The following VPS35L variants were observed in gnomAD, a reference collection of about 807,000 sequenced individuals.
VPS35L encodes VPS35 endosomal protein-sorting factor-like.
VPS35L carries 83 observed loss-of-function variants against 133.0 expected under a neutral mutation model. That is an observed-to-expected ratio of 0.62 (90% confidence interval 0.52 to 0.75). VPS35L has a LOEUF of 0.75. Among genes scored for constraint, VPS35L ranks in the 30% least tolerant of loss-of-function variants. VPS35L has a pLI of 0.00. For missense variants in VPS35L, 1,083 were observed against 1,206.8 expected, an observed-to-expected ratio of 0.90 and a Z score of 1.52; for synonymous variants, 423 against 449.9, an observed-to-expected ratio of 0.94 and a Z score of 0.76.
chr16:19,643,654 A>G (rs1218844900), intron 22 of VPS35L, among the ~76,000 whole-genome samples: 1 of 152,158 alleles, frequency 6.6e-6, no homozygotes, highest in Non-Finnish European at 1.5e-5. Flanking sequence ...TTGTTCTAAG[A>G]ACAAAGTGGG....
intron 26 of VPS35L, among the ~76,000 whole-genome samples, chr16:19,667,361 T>G (rs1219323238): frequency 6.6e-6 from 1 of 152,158 alleles, no homozygotes; most frequent in Non-Finnish European, 1.5e-5. Flanking sequence ...TGGCTTTTCC[T>G]CAAGCCCCAT....
Position 19,686,568 on chromosome 16 carries a change from C to T in VPS35L, c.2527+4178C>T, listed in dbSNP as rs57909644. Among the ~76,000 whole-genome samples, 1,405 of 152,224 alleles carry T rather than the reference C, an allele frequency of 9.2e-3. 15 individuals carry two copies. The highest frequency in any genetic ancestry group is 0.031 in the African/African-American group (1,308 of 41,552). ...TCACCTGCCAGGCCCTCAAAGCATT[C>T]GGGTTTGCAACTTGGGGTGGGACAG... is the stretch of plus-strand genomic sequence containing the variant. On this transcript the variant is annotated intron_variant, in intron 28 of 30. Coordinates refer to ENST00000417362, the MANE Select transcript of VPS35L (RefSeq NM_020314.7).
intron 6 of VPS35L, 176 bp downstream of exon 6, chr16:19,579,304 C>T: frequency 1.7e-6 from 1 of 578,172 alleles, no homozygotes; most frequent in Non-Finnish European, 3.0e-6. Flanking sequence ...TGGCCGAGCT[C>T]ACGGAAGCCT....
At chr16:19,602,429 G>A (rs1021456382) in intron 9 of VPS35L, among the ~76,000 whole-genome samples, 1 of 152,074 alleles carries the variant, frequency 6.6e-6, no homozygotes, top group African/African-American at 2.4e-5. Context: ...CCCAGGAGGT[G>A]AATAGAAAGT....
chr16:19,693,735 G>A (rs1975790489), intron 29 of VPS35L, among the ~76,000 whole-genome samples: 1 of 151,904 alleles, frequency 6.6e-6, no homozygotes. Flanking sequence ...CGTGAGCCCA[G>A]ATCATGTCAC....
In VPS35L at chr16:19,555,737, T is replaced by C. The variant is rs367897965; in HGVS notation, c.8T>C (p.Val3Ala). The change falls in exon 1 of 31, where the codon GTC becomes GCC. Residue 3 changes from valine to alanine, a missense_variant. By Grantham distance (64) the Val-to-Ala change is moderately conservative (BLOSUM62 0). Transcript: ENST00000417362. MA[V>A]FPWHSRNRNY... is the part of the protein sequence containing the mutation. Reference sequence around the variant, plus strand: ...GGTCATGTGACTGGGAAGATGGCCGTCTTTCCTTGGTAAGGAAGCAGCGGC... The same window carrying C: ...GGTCATGTGACTGGGAAGATGGCCGCCTTTCCTTGGTAAGGAAGCAGCGGC... 3.0e-5 allele frequency: 47 copies of C among 1,586,172 alleles called. No homozygotes were observed. The highest frequency in any genetic ancestry group is 3.9e-5 in the Non-Finnish European group (45 of 1,166,628).
At chr16:19,614,566 A>G (rs1193117493) in intron 12 of VPS35L, among the ~76,000 whole-genome samples, 1 of 152,168 alleles carries the variant, frequency 6.6e-6, no homozygotes, top group African/African-American at 2.4e-5. Context: ...GTGCGCCACC[A>G]CACCCGGCTA....
At chr16:19,568,141 A>C (rs1310962699) in intron 2 of VPS35L, among the ~76,000 whole-genome samples, 1 of 152,152 alleles carries the variant, frequency 6.6e-6, no homozygotes, top group Non-Finnish European at 1.5e-5. Flanking sequence ...CTTGTACTTA[A>C]CAGTTTATTA....
chr16:19,587,723 T>C (rs1971914555), intron 7 of VPS35L, among the ~76,000 whole-genome samples: 1 of 151,384 alleles, frequency 6.6e-6, no homozygotes. Context: ...ACCATAAATG[T>C]AAGAGTTTAT....
intron 12 of VPS35L, 160 bp downstream of exon 12, chr16:19,610,575 G>A (rs1483257437): frequency 2.1e-6 from 1 of 470,736 alleles, no homozygotes; most frequent in Middle Eastern, 5.5e-4. Context: ...AAGTAGAACT[G>A]TAGGGTTTCT....
At chr16:19,667,209 C>G (rs1974722632) in intron 26 of VPS35L, among the ~76,000 whole-genome samples, 1 of 151,906 alleles carries the variant, frequency 6.6e-6, no homozygotes, top group Admixed American at 6.6e-5. Flanking sequence ...AGTGATCGAC[C>G]CACTGGCCTC....
At chr16:19,650,118 G>T (rs192189851) in intron 24 of VPS35L, among the ~76,000 whole-genome samples, 1 of 152,114 alleles carries the variant, frequency 6.6e-6, no homozygotes, top group Non-Finnish European at 1.5e-5. Context: ...CCAGAAAATG[G>T]TCACTAAAAT....
intron 23 of VPS35L, among the ~76,000 whole-genome samples, chr16:19,645,522 C>A (rs1412156088): frequency 6.6e-6 from 1 of 152,146 alleles, no homozygotes; most frequent in Non-Finnish European, 1.5e-5. Context: ...ATCTGCTGAC[C>A]TCGTAATCCG....
rs187058860 is a variant in VPS35L, at chr16:19,651,677, T to G, written c.2107-299T>G. 2.4e-3 allele frequency among the ~76,000 whole-genome samples: 368 copies of G among 152,304 alleles called. 1 individual carries two copies. Among genetic ancestry groups the G allele is most frequent in the Non-Finnish European group, 3.9e-3 (267 of 68,012 alleles). Reference sequence around the variant, plus strand: ...CAACTGTTTCTAATTACCTCCATATTTTTAAGCAATTGGTTTAAACAGCTG... The same window carrying G: ...CAACTGTTTCTAATTACCTCCATATGTTTAAGCAATTGGTTTAAACAGCTG... On this transcript the variant is annotated intron_variant, in intron 25 of 30. Coordinates refer to ENST00000417362, the MANE Select transcript of VPS35L (RefSeq NM_020314.7).
intron 25 of VPS35L, 135 bp from the exon 26 acceptor site, chr16:19,651,840 AG>A: frequency 2.9e-6 from 2 of 693,042 alleles, no homozygotes; most frequent in Non-Finnish European, 5.1e-6. Context: ...GTTGTACAAG[AG>A]GGGAAAATGG....
chr16:19,656,176 A>G (rs543123461), intron 26 of VPS35L, among the ~76,000 whole-genome samples: 2 of 151,598 alleles, frequency 1.3e-5, no homozygotes, highest in Admixed American at 1.3e-4. Flanking sequence ...AGGCACGAGA[A>G]TCGCTTGAAC....
intron 26 of VPS35L, among the ~76,000 whole-genome samples, chr16:19,659,241 G>A (rs1974403607): frequency 6.6e-6 from 1 of 152,178 alleles, no homozygotes; most frequent in Admixed American, 6.5e-5. Flanking sequence ...GCATGGATGA[G>A]AGAAAGGTAT....
At chr16:19,689,563 T>G (rs1381807685) in intron 28 of VPS35L, among the ~76,000 whole-genome samples, 1 of 152,122 alleles carries the variant, frequency 6.6e-6, no homozygotes, top group Non-Finnish European at 1.5e-5. Context: ...TTAGCCACAG[T>G]GCCCAGCCCC....
chr16:19,666,919 T>TCTTCCTTTCTTC (rs1436416834), intron 26 of VPS35L, among the ~76,000 whole-genome samples: 73 of 90,210 alleles, frequency 8.1e-4, no homozygotes, highest in African/African-American at 4.4e-3. Flanking sequence ...TTTCTTTCTT[T>TCTTCCTTTCTTC]CTTTCTTTCT....
Sources: gnomAD v4.1 joint callset for allele counts (sites outside exome capture counted in the v4.1 genomes callset) on GRCh38, gnomAD v4.1.1 for gene constraint, MANE v1.5 for transcripts, NCBI Gene and HGNC (gene_info 2026-07-23, HGNC 2026-07-21) for gene names.